Variants in SH3TC1 observed in about 807,000 individuals in gnomAD.
The protein encoded by SH3TC1 is SH3 domain and tetratricopeptide repeat-containing protein 1.
Under a neutral mutation model 117.3 loss-of-function variants are expected in SH3TC1, and 135 were observed. That is an observed-to-expected ratio of 1.15 (90% CI 1.00 to 1.33). SH3TC1 has a LOEUF of 1.33. SH3TC1 is among the 40% of genes most tolerant of loss of function. The probability of loss-of-function intolerance (pLI) is 0.00; values close to 1 mark genes in which losing one functional copy is unlikely to be tolerated. For synonymous variants in SH3TC1, 898 were observed against 816.9 expected (o/e 1.10, Z -1.69); for missense variants, 2,092 against 1,794.3 (o/e 1.17, Z -3.00).
chr4:8,209,821 A>C lies in SH3TC1; in HGVS notation c.246A>C (p.Thr82=), dbSNP rs1208459285. ...TPPCQMGVYP[T]DLTLQLLAVR... ...CCTGCCAGATGGGGGTTTATCCCAC[A>C]GGTAAACATCCTGGGCCCTACACAG... The change falls in exon 3 of 18, where the codon ACA becomes ACC. Residue 82 remains threonine, a splice_region_variant and synonymous_variant. Transcript: ENST00000245105. The surrounding 1 kb of genome is among the most constrained non-coding windows in gnomAD (Gnocchi z 5.9). The C allele has an allele frequency of 4.3e-6, 7 of 1,613,314 alleles. No individual in the cohort carries two copies.
rs1717457257 is a variant in SH3TC1, at chr4:8,192,841, G to A, written c.-57+10631G>A. ...TCTTCTGCTCCGAGTTTAGGTTCAT[G>A]TCGCCACCTGGTGATTGGCTTCTCT... On this transcript the variant is annotated intron_variant, in intron 1 of 16. Coordinates refer to the SH3TC1 transcript ENST00000508641. The surrounding 1 kb of genome is among the most constrained non-coding windows in gnomAD (Gnocchi z 4.1). 6.6e-6 allele frequency among the ~76,000 whole-genome samples: 1 copy of A among 152,286 alleles called. No homozygotes were observed. Among genetic ancestry groups the A allele is most frequent in the South Asian group, 2.1e-4 (1 of 4,818 alleles).
chr4:8,235,653 C>T (rs1042067420), intron 15 of SH3TC1, 98 bp downstream of exon 15: 1 of 1,415,322 alleles, frequency 7.1e-7, no homozygotes. Flanking sequence ...CACCTGGAGG[C>T]AGGGCCGCCC....
At chr4:8,187,845 C>T (rs1183475422) in intron 1 of SH3TC1, among the ~76,000 whole-genome samples, 4 of 152,178 alleles carry the variant, frequency 2.6e-5, no homozygotes, top group South Asian at 2.1e-4. Flanking sequence ...CCACCGCATC[C>T]GGCCTACATA....
Position 8,237,379 on chromosome 4 carries a change from C to T in SH3TC1, c.3557-95C>T, listed in dbSNP as rs2891973. The T allele has an allele frequency of 7.5e-5, 84 of 1,121,428 alleles. No homozygotes were observed. The African/African-American group carries it at 1.0e-3, about 13-fold the overall frequency. The allele number at this position is 1,121,428 out of a possible 1,614,324, so 69.5% of individuals were successfully genotyped here. On this transcript the variant is annotated intron_variant, in intron 16 of 17. Coordinates refer to ENST00000245105, the MANE Select transcript of SH3TC1 (RefSeq NM_018986.5). ...GACTGGCCAGAACTGCCCAGGTGAC[C>T]GCAGTGCCTGGAGGCGAGCCAGGTG...
rs201295499 is a variant in SH3TC1 at position 8,227,850 on chromosome 4, G to A, written c.2156G>A (p.Arg719His). 6.0e-5 allele frequency: 97 copies of A among 1,612,676 alleles called. No individual in the cohort carries two copies. Among genetic ancestry groups the A allele is most frequent in the African/African-American group, 9.3e-5 (7 of 74,930 alleles). ...CTACTCCTGGCTGACATCTACAGCCGCAAGTGCCTGCCCCACCTGGTGCTG... is the reference window on the plus strand; with the variant it reads ...CTACTCCTGGCTGACATCTACAGCCACAAGTGCCTGCCCCACCTGGTGCTG... Reference protein sequence around the residue: ...CYLLLADIYSRKCLPHLVLSC... With the variant: ...CYLLLADIYSHKCLPHLVLSC... Residue 719 changes from arginine to histidine, a missense_variant, in exon 12 of 18, where the codon CGC becomes CAC. By Grantham distance (29) the Arg-to-His change is conservative. Coordinates refer to ENST00000245105, the MANE Select transcript of SH3TC1 (RefSeq NM_018986.5).
chr4:8,196,060 G>A (rs1031385937), upstream of SH3TC1, among the ~76,000 whole-genome samples: 3 of 152,234 alleles, frequency 2.0e-5, no homozygotes, highest in Non-Finnish European at 2.9e-5. This position sits in a 1 kb window ranked among gnomAD's most constrained non-coding sequence, Gnocchi z 4.6. Flanking sequence ...TGTGCTCCTC[G>A]CTGGGCCAAG....
chr4:8,236,046 C>T, intron 15 of SH3TC1: 1 of 538,344 alleles, frequency 1.9e-6, no homozygotes, highest in Non-Finnish European at 3.2e-6. Context: ...CCCTGGTGCC[C>T]AGGCGGGAGG....
At chr4:8,222,015 A>G (rs1367530075) in intron 9 of SH3TC1, among the ~76,000 whole-genome samples, 1 of 152,030 alleles carries the variant, frequency 6.6e-6, no homozygotes, top group Non-Finnish European at 1.5e-5. Context: ...CCTATAAGCA[A>G]AAATTGCCTC....
intron 1 of SH3TC1, among the ~76,000 whole-genome samples, chr4:8,202,015 T>C (rs3115217): frequency 0.97 from 148,365 of 152,298 alleles, 72,337 homozygotes; most frequent in East Asian, 1. Context: ...GAAAGACCCC[T>C]TAAACCAGGG....
intron 2 of SH3TC1, among the ~76,000 whole-genome samples, chr4:8,208,700 G>A (rs1179281238): frequency 6.6e-6 from 1 of 152,242 alleles, no homozygotes; most frequent in African/African-American, 2.4e-5. Flanking sequence ...CTCTGGGCTT[G>A]GGCTGGGGCT....
intron 14 of SH3TC1, 58 bp from the exon 15 acceptor site, chr4:8,235,375 G>C: frequency 7.1e-7 from 1 of 1,410,872 alleles, no homozygotes; most frequent in South Asian, 1.8e-5. Flanking sequence ...GTCCGACCTG[G>C]GTGGGCGTGG....
At chr4:8,200,695 G>A (rs1052448434) in intron 1 of SH3TC1, among the ~76,000 whole-genome samples, 1 of 152,214 alleles carries the variant, frequency 6.6e-6, no homozygotes, top group African/African-American at 2.4e-5. Flanking sequence ...CAGCCCTCTC[G>A]GTCGTGTTCT....
At chr4:8,187,868 A>C (rs994579593) in intron 1 of SH3TC1, among the ~76,000 whole-genome samples, 3 of 152,100 alleles carry the variant, frequency 2.0e-5, no homozygotes, top group Non-Finnish European at 4.4e-5. Flanking sequence ...TGTTTTCTAC[A>C]TGGGATTGAC....
intron 1 of SH3TC1, among the ~76,000 whole-genome samples, chr4:8,200,804 C>T (rs1048227053): frequency 3.9e-5 from 6 of 152,200 alleles, no homozygotes; most frequent in South Asian, 2.1e-4. Flanking sequence ...TGGCTCAGGG[C>T]GCTCCTTGGC....
chr4:8,184,872 AATCTCAT>A (rs1451987626), intron 1 of SH3TC1, among the ~76,000 whole-genome samples: 12 of 35,280 alleles, frequency 3.4e-4, no homozygotes, highest in Non-Finnish European at 1.1e-3. Flanking sequence ...TTCTTTTGTC[AATCTCAT>A]GAGATTGTCG....
rs909573900 is a variant in SH3TC1, at chr4:8,190,099, C to A, written c.-57+7889C>A. ...TAGCACTTGAGGTTTTGCTGGGAGG[C>A]GGCAGCACTGGCCGCAGGTGCCTGC... On this transcript the variant is annotated intron_variant, in intron 1 of 16. Transcript: ENST00000508641. This position sits in a 1 kb window ranked among gnomAD's most constrained non-coding sequence, Gnocchi z 4.7. Among the ~76,000 whole-genome samples the A allele has an allele frequency of 6.6e-6, 1 of 152,204 alleles. No homozygotes were observed. The highest frequency in any genetic ancestry group is 1.5e-5 in the Non-Finnish European group (1 of 68,026).
intron 5 of SH3TC1, among the ~76,000 whole-genome samples, chr4:8,215,443 T>G (rs575664649): frequency 1.3e-5 from 2 of 152,146 alleles, no homozygotes; most frequent in African/African-American, 2.4e-5. Context: ...TTGATCCGGT[T>G]CTTGGAGGAA....
chr4:8,217,430 G>C (rs1719411692), intron 7 of SH3TC1, among the ~76,000 whole-genome samples: 1 of 152,236 alleles, frequency 6.6e-6, no homozygotes, highest in Non-Finnish European at 1.5e-5. Flanking sequence ...AGGAGATGTG[G>C]CATGAGCTCT....
At chr4:8,218,370 C>CT in intron 8 of SH3TC1, 23 bp downstream of exon 8, 3 of 1,585,050 alleles carry the variant, frequency 1.9e-6, no homozygotes, top group Non-Finnish European at 1.7e-6. Context: ...ATGGGCCTCT[C>CT]TTTTTTGGGG....
Sources: gnomAD v4.1 joint callset for allele counts (sites outside exome capture counted in the v4.1 genomes callset) on GRCh38, gnomAD v4.1.1 for gene constraint, Gnocchi (gnomAD v3.1) non-coding constraint, MANE v1.5 for transcripts, NCBI Gene and HGNC (gene_info 2026-07-23, HGNC 2026-07-21) for gene names.